MAP3K7CL: variants seen among roughly 807,000 people sequenced by gnomAD.
The protein encoded by MAP3K7CL is MAP3K7 C-terminal-like protein.
Under a neutral mutation model 18.6 loss-of-function variants are expected in MAP3K7CL, and 16 were observed. The ratio of observed to expected loss-of-function variants is 0.86; its 90% CI spans 0.58 to 1.31. MAP3K7CL has a LOEUF of 1.31. Ranked by LOEUF, MAP3K7CL falls within the 50% of genes most tolerant of loss-of-function variation. MAP3K7CL has a pLI of 0.00. For synonymous variants in MAP3K7CL, 65 were observed against 66.8 expected (o/e 0.97, Z 0.13); for missense variants, 163 against 174.4 (o/e 0.93, Z 0.37).
At chr21:29,118,735 A>G (rs1421125389) in intron 4 of MAP3K7CL, among the ~76,000 whole-genome samples, 1 of 152,216 alleles carries the variant, frequency 6.6e-6, no homozygotes, top group Non-Finnish European at 1.5e-5. Context: ...TGAGATGAGT[A>G]TGGAGGAAAG....
At position 29,134,802 on chromosome 21, in the gene MAP3K7CL, C is replaced by A. The variant is rs564396958; in HGVS notation, c.70+1388C>A. 7.2e-5 allele frequency among the ~76,000 whole-genome samples: 11 copies of A among 152,086 alleles called. No individual in the cohort carries two copies. The East Asian group carries it at 1.9e-3, about 27-fold the overall frequency. ...CGGTGGCTCACGCCTGTAATCCCAGCACTTTGGGAGGCCAAGGCAGGTGGA... is the reference window on the plus strand; with the variant it reads ...CGGTGGCTCACGCCTGTAATCCCAGAACTTTGGGAGGCCAAGGCAGGTGGA... On this transcript the variant is annotated intron_variant, in intron 2 of 4. Coordinates refer to ENST00000399928, the MANE Select transcript of MAP3K7CL (RefSeq NM_001286620.2).
At position 29,091,724 on chromosome 21, in the gene MAP3K7CL, C is replaced by T. The variant is rs150407882; in HGVS notation, c.190C>T (p.Pro64Ser). Residue 64 changes from proline to serine, a missense_variant, in exon 3 of 7, where the codon CCT becomes TCT. Physicochemically the swap from Pro to Ser is moderately conservative, Grantham distance 74. Transcript: ENST00000286791. ...TCTTGAACACCTGGCTTCAAGCAGT[C>T]CTCCTGCTTTTGGCTTCTTGAAGTG... 545 of 702,490 alleles carry T rather than the reference C, an allele frequency of 7.8e-4. 3 individuals are homozygous for T. The highest frequency in any genetic ancestry group is 6.0e-3 in the Middle Eastern group (26 of 4,318). 43.5% of individuals were successfully genotyped at this position (702,490 alleles called of 1,614,324 possible).
chr21:29,106,803 G>A (rs1289920481), intron 4 of MAP3K7CL, among the ~76,000 whole-genome samples: 1 of 152,164 alleles, frequency 6.6e-6, no homozygotes, highest in Non-Finnish European at 1.5e-5. Flanking sequence ...CCAAGCTGTT[G>A]GAGCAGGCCT....
At chr21:29,171,929 C>T (rs2087842613) in intron 4 of MAP3K7CL, among the ~76,000 whole-genome samples, 1 of 151,614 alleles carries the variant, frequency 6.6e-6, no homozygotes. Flanking sequence ...TTTTCTTTCT[C>T]TCATACACAC....
At chr21:29,091,777 C>T (rs1487481470) in intron 3 of MAP3K7CL, 3 of 701,878 alleles carry the variant, frequency 4.3e-6, no homozygotes, top group Non-Finnish European at 7.8e-6. Flanking sequence ...AACTACTGCA[C>T]CTGGCCTGTC....
At chr21:29,122,056 A>G (rs2146592267) in intron 4 of MAP3K7CL, 1 of 152,142 alleles carries the variant, frequency 6.6e-6, no homozygotes, top group Non-Finnish European at 1.5e-5. Flanking sequence ...ATGTTTGTGC[A>G]CCTGTTTGGT....
At chr21:29,145,288 A>T (rs988759154) in intron 2 of MAP3K7CL, among the ~76,000 whole-genome samples, 1 of 151,986 alleles carries the variant, frequency 6.6e-6, no homozygotes, top group Non-Finnish European at 1.5e-5. Context: ...TTTTTTTTCA[A>T]AAAAGCTAAA....
At chr21:29,122,596 GCCCTGCCGTCAAGCCGT>G (rs1041381074) in intron 4 of MAP3K7CL, among the ~76,000 whole-genome samples, 1 of 152,190 alleles carries the variant, frequency 6.6e-6, no homozygotes, top group Non-Finnish European at 1.5e-5. Context: ...CTTCTTCGAG[GCCCTGCCGTCAAGCCGT>G]CCCTCTTAAG....
At chr21:29,092,164 C>G in intron 3 of MAP3K7CL, 3 of 422,368 alleles carry the variant, frequency 7.1e-6, no homozygotes, top group Non-Finnish European at 8.5e-6. Context: ...TTATAATCAG[C>G]TCTCTTTGTT....
At chr21:29,117,253 T>C (rs1056071458) in intron 4 of MAP3K7CL, among the ~76,000 whole-genome samples, 1 of 152,230 alleles carries the variant, frequency 6.6e-6, no homozygotes. Context: ...TTGTGGACTC[T>C]TCTAGGAAAT....
chr21:29,111,120 G>T (rs1220623502), intron 4 of MAP3K7CL, among the ~76,000 whole-genome samples: 1 of 152,110 alleles, frequency 6.6e-6, no homozygotes, highest in Non-Finnish European at 1.5e-5. Flanking sequence ...GCCAGGCGTG[G>T]TGGTGAGTGC....
At chr21:29,119,819 T>C (rs12626386) in intron 4 of MAP3K7CL, among the ~76,000 whole-genome samples, 16,210 of 151,984 alleles carry the variant, frequency 0.11, 1,935 homozygotes, top group African/African-American at 0.29. Context: ...CCTGCCACCA[T>C]CCCTGGCTAA....
upstream of MAP3K7CL, among the ~76,000 whole-genome samples, chr21:29,083,846 GTA>G (rs916031989): frequency 2.7e-5 from 4 of 147,830 alleles, no homozygotes; most frequent in African/African-American, 5.1e-5. Context: ...GTGTGTGTGT[GTA>G]TATATGTGTG....
intron 4 of MAP3K7CL, among the ~76,000 whole-genome samples, chr21:29,161,742 A>G (rs2087554691): frequency 6.6e-6 from 1 of 152,130 alleles, no homozygotes; most frequent in Non-Finnish European, 1.5e-5. Flanking sequence ...AGCGAATGAA[A>G]TATATTTTGT....
chr21:29,131,377 T>G (rs891802685), intron 1 of MAP3K7CL: 1 of 152,188 alleles, frequency 6.6e-6, no homozygotes, highest in Admixed American at 6.5e-5. Context: ...TGCATAACAG[T>G]AAAACTTTTC....
chr21:29,090,375 G>T (rs1405508645), intron 1 of MAP3K7CL, among the ~76,000 whole-genome samples: 1 of 151,854 alleles, frequency 6.6e-6, no homozygotes, highest in African/African-American at 2.4e-5. Flanking sequence ...TAGCTTCTTT[G>T]TTTTGTTTTG....
upstream of MAP3K7CL, among the ~76,000 whole-genome samples, chr21:29,085,547 A>T (rs1431506737): frequency 3.4e-4 from 4 of 11,916 alleles, no homozygotes; most frequent in Non-Finnish European, 5.3e-4. Context: ...ACTCTGTCTA[A>T]AAAAAAAAAA....
intron 4 of MAP3K7CL, among the ~76,000 whole-genome samples, chr21:29,117,729 C>T (rs1166634628): frequency 6.6e-6 from 1 of 152,196 alleles, no homozygotes. Context: ...ATGAACAAAA[C>T]ATGATCTCTT....
intron 1 of MAP3K7CL, among the ~76,000 whole-genome samples, chr21:29,132,888 C>G (rs1329859779): frequency 6.6e-6 from 1 of 152,104 alleles, no homozygotes; most frequent in Non-Finnish European, 1.5e-5. Context: ...TTAATTTAGG[C>G]TTTTGAACAT....
Sources: allele counts gnomAD v4.1 joint callset (sites outside exome capture counted in the v4.1 genomes callset), GRCh38; gene constraint gnomAD v4.1.1; transcripts MANE v1.5; gene names NCBI Gene and HGNC (gene_info 2026-07-23, HGNC 2026-07-21).